Variants in DMRT1 observed in about 807,000 individuals in gnomAD.
DMRT1 encodes doublesex and mab-3 related transcription factor 1, also known as doublesex- and mab-3-related transcription factor 1.
In DMRT1, 7 loss-of-function variants were observed where a neutral mutation model predicts 32.3. The ratio of observed to expected loss-of-function variants is 0.22; its 90% CI spans 0.12 to 0.41. The LOEUF is 0.41. Among genes scored for constraint, DMRT1 ranks in the 10% least tolerant of loss-of-function variants. The probability of loss-of-function intolerance (pLI) is 1.00; values close to 1 mark genes in which losing one functional copy is unlikely to be tolerated. For synonymous variants in DMRT1, 278 were observed against 206.1 expected (o/e 1.35, Z -2.99); for missense variants, 625 against 500.5 (o/e 1.25, Z -2.37).
At chr9:857,135 C>T (rs565730995) in intron 2 of DMRT1, among the ~76,000 whole-genome samples, 4 of 152,000 alleles carry the variant, frequency 2.6e-5, no homozygotes, top group Non-Finnish European at 4.4e-5. Flanking sequence ...GGTGAAACCC[C>T]GTCTCTACCA....
chr9:873,236 A>T (rs554231770), intron 2 of DMRT1, among the ~76,000 whole-genome samples: 7 of 151,846 alleles, frequency 4.6e-5, no homozygotes, highest in African/African-American at 1.7e-4. Context: ...ATGGTTATTC[A>T]AGTCCTTTGC....
chr9:967,958 C>T (rs1315546394), intron 4 of DMRT1, 27 bp from the exon 5 acceptor site: 1 of 1,611,082 alleles, frequency 6.2e-7, no homozygotes, highest in South Asian at 1.1e-5. Context: ...CTCCCTTTCT[C>T]TCTTTCTCTC....
chr9:964,324 T>C (rs1004106246), intron 4 of DMRT1, among the ~76,000 whole-genome samples: 2 of 152,158 alleles, frequency 1.3e-5, no homozygotes, highest in African/African-American at 4.8e-5. Flanking sequence ...TGATCCTGTG[T>C]AAGGTTTTCT....
At chr9:920,722 G>A (rs1818326075) in intron 4 of DMRT1, among the ~76,000 whole-genome samples, 2 of 152,160 alleles carry the variant, frequency 1.3e-5, no homozygotes, top group African/African-American at 4.8e-5. Context: ...TGCTGATGAG[G>A]GCGATCCCAA....
chr9:862,783 C>A (rs995706070), intron 2 of DMRT1, among the ~76,000 whole-genome samples: 2 of 152,052 alleles, frequency 1.3e-5, no homozygotes, highest in African/African-American at 4.8e-5. Flanking sequence ...GCTGCTACAG[C>A]GCAGCCAGCA....
intron 2 of DMRT1, among the ~76,000 whole-genome samples, chr9:859,116 C>T (rs188658441): frequency 1.3e-5 from 2 of 152,196 alleles, no homozygotes; most frequent in Non-Finnish European, 1.5e-5. Context: ...CTTCTGAAAT[C>T]ACCTGTAGAC....
chr9:892,568 C>G (rs1161585979), intron 2 of DMRT1, among the ~76,000 whole-genome samples: 1 of 152,138 alleles, frequency 6.6e-6, no homozygotes, highest in Non-Finnish European at 1.5e-5. Flanking sequence ...ATTTGCAGGC[C>G]TTAGAGTTCT....
At chr9:934,946 A>T (rs999459164) in intron 4 of DMRT1, among the ~76,000 whole-genome samples, 1 of 152,160 alleles carries the variant, frequency 6.6e-6, no homozygotes, top group African/African-American at 2.4e-5. Flanking sequence ...TTTCTCGGTT[A>T]TCTTACTTTT....
intron 3 of DMRT1, among the ~76,000 whole-genome samples, chr9:896,593 T>A (rs1315500798): frequency 1.3e-5 from 2 of 152,082 alleles, no homozygotes; most frequent in Non-Finnish European, 2.9e-5. Flanking sequence ...GGCGGGTGGA[T>A]CACGAGGTCA....
chr9:966,321 G>A (rs78657742), intron 4 of DMRT1, among the ~76,000 whole-genome samples: 3,743 of 151,884 alleles, frequency 0.025, 145 homozygotes, highest in African/African-American at 0.085. Context: ...TTTTTGTTAT[G>A]AAATACTACT....
rs80028334 is a variant in DMRT1, at chr9:893,078, G to C, written c.539-834G>C. Among the ~76,000 whole-genome samples the C allele has an allele frequency of 6.3e-4, 82 of 129,640 alleles. 3 individuals are homozygous for C. In the East Asian group the frequency reaches 0.017, roughly 28 times the overall value. 85.0% of individuals were successfully genotyped at this position (129,640 alleles called of 152,430 possible). ...TGGGTCTTCCTGTATGATGGTAGGT[G>C]GTAGGTGGTATTCCCTTCCCATCTT... On this transcript the variant is annotated intron_variant, in intron 2 of 4. Coordinates refer to ENST00000382276, the MANE Select transcript of DMRT1 (RefSeq NM_021951.3).
intron 2 of DMRT1, among the ~76,000 whole-genome samples, chr9:854,134 A>C (rs1815286188): frequency 6.6e-6 from 1 of 151,170 alleles, no homozygotes; most frequent in Non-Finnish European, 1.5e-5. Context: ...TAATTTTTCA[A>C]GAGACAGAGG....
At chr9:956,579 A>AAAAAAAC (rs1819610231) in intron 4 of DMRT1, among the ~76,000 whole-genome samples, 1 of 102,336 alleles carries the variant, frequency 9.8e-6, no homozygotes, top group African/African-American at 4.8e-5. Flanking sequence ...AAAAAAAAAC[A>AAAAAAAC]AAAAACAAAA....
intron 3 of DMRT1, among the ~76,000 whole-genome samples, chr9:903,794 A>G (rs570428091): frequency 6.6e-6 from 1 of 152,250 alleles, no homozygotes; most frequent in Non-Finnish European, 1.5e-5. Flanking sequence ...GCTCTGACTC[A>G]GAGAATATCT....
chr9:846,149 A>G (rs750893960), intron 1 of DMRT1, among the ~76,000 whole-genome samples: 2 of 150,080 alleles, frequency 1.3e-5, no homozygotes, highest in Non-Finnish European at 2.9e-5. Context: ...CCCCTGCCTC[A>G]GCCTCCCGAG....
intron 2 of DMRT1, among the ~76,000 whole-genome samples, chr9:891,635 C>CTCAGCAG (rs774698464): frequency 1.3e-4 from 19 of 151,726 alleles, no homozygotes; most frequent in Non-Finnish European, 2.6e-4. Flanking sequence ...CTGCCTCAGC[C>CTCAGCAG]TCCCAAGTAG....
intron 3 of DMRT1, among the ~76,000 whole-genome samples, chr9:902,737 C>T (rs1042958793): frequency 6.6e-6 from 1 of 152,066 alleles, no homozygotes; most frequent in Non-Finnish European, 1.5e-5. Context: ...GATCCGCCCA[C>T]CTCAGCTTCC....
chr9:928,502 G>C (rs1437575680), intron 4 of DMRT1, among the ~76,000 whole-genome samples: 1 of 152,150 alleles, frequency 6.6e-6, no homozygotes, highest in African/African-American at 2.4e-5. Context: ...TACTAGAGAT[G>C]ATTAACTCGG....
intron 4 of DMRT1, among the ~76,000 whole-genome samples, chr9:925,406 T>C (rs1818488112): frequency 6.6e-6 from 1 of 152,070 alleles, no homozygotes; most frequent in Non-Finnish European, 1.5e-5. Context: ...AAACTTGAAT[T>C]TTAGGGACTT....
Sources: allele counts gnomAD v4.1 joint callset (sites outside exome capture counted in the v4.1 genomes callset), GRCh38; gene constraint gnomAD v4.1.1; transcripts MANE v1.5; gene names NCBI Gene and HGNC (gene_info 2026-07-23, HGNC 2026-07-21).